Variants in FAM222B observed in about 807,000 individuals in gnomAD.
FAM222B encodes the protein protein FAM222B.
A neutral mutation model predicts 38.0 loss-of-function variants in FAM222B; 12 were observed. The ratio of observed to expected loss-of-function variants is 0.32; its 90% CI spans 0.20 to 0.51. The LOEUF (loss-of-function observed/expected upper bound fraction) is 0.51. FAM222B is among the 20% of genes least tolerant of loss of function. FAM222B has a pLI of 0.97. For synonymous variants in FAM222B, 329 were observed against 317.2 expected, an observed-to-expected ratio of 1.04 and a Z score of -0.40; for missense variants, 716 against 754.2, an observed-to-expected ratio of 0.95 and a Z score of 0.59.
intron 1 of FAM222B, among the ~76,000 whole-genome samples, chr17:28,835,852 T>C (rs1188866384): frequency 2.0e-5 from 3 of 151,950 alleles, no homozygotes; most frequent in Admixed American, 2.0e-4. Context: ...TTTTTTATTT[T>C]TTTGTAAAGA....
rs1244944844 is a variant in FAM222B at position 28,758,676 on chromosome 17, T to C, written c.1283A>G (p.Lys428Arg). The C allele has an allele frequency of 6.2e-7, 1 of 1,605,210 alleles. No homozygotes were observed. The highest frequency in any genetic ancestry group is 8.5e-7 in the Non-Finnish European group (1 of 1,174,492). ...GTTGACTGGTGGGGATGGGGTCGGC[T>C]TTTCCAGGGGTGGCTTCAGATGGAA... ...QSFHLKPPLEKPTPSPPVNGM... is the reference protein window; with the variant it reads ...QSFHLKPPLERPTPSPPVNGM... The change falls in exon 3 of 3, where the codon AAG becomes AGG. Residue 428 changes from lysine (K) to arginine (R), a missense_variant. Coordinates refer to ENST00000581407, the MANE Select transcript of FAM222B (RefSeq NM_001077498.3).
At chr17:28,825,018 C>A (rs983121905) in intron 1 of FAM222B, among the ~76,000 whole-genome samples, 1 of 152,014 alleles carries the variant, frequency 6.6e-6, no homozygotes, top group Non-Finnish European at 1.5e-5. Flanking sequence ...CCCGCCTTGG[C>A]CTCCCAAAGT....
chr17:28,829,416 C>CCA, intron 1 of FAM222B, among the ~76,000 whole-genome samples: 1 of 152,006 alleles, frequency 6.6e-6, no homozygotes, highest in Non-Finnish European at 1.5e-5. Flanking sequence ...GGTGATCCGC[C>CCA]CCAACTCGGC....
intron 1 of FAM222B, among the ~76,000 whole-genome samples, chr17:28,772,996 A>G (rs1014930987): frequency 6.6e-5 from 10 of 152,132 alleles, no homozygotes; most frequent in African/African-American, 1.4e-4. Context: ...AATTCAGCAG[A>G]CTCCAGAAAG....
intron 1 of FAM222B, among the ~76,000 whole-genome samples, chr17:28,804,421 A>G (rs1597972191): frequency 2.7e-5 from 4 of 147,934 alleles, no homozygotes; most frequent in Admixed American, 2.7e-4. Flanking sequence ...CGCAACCTCC[A>G]CCTCTCGGGT....
intron 1 of FAM222B, among the ~76,000 whole-genome samples, chr17:28,851,565 C>T (rs2039181304): frequency 6.6e-6 from 1 of 151,464 alleles, no homozygotes; most frequent in Non-Finnish European, 1.5e-5. Context: ...AACATGGTGA[C>T]AGCCTGTCTC....
At chr17:28,821,818 T>C (rs1307617841) in intron 1 of FAM222B, among the ~76,000 whole-genome samples, 2 of 151,298 alleles carry the variant, frequency 1.3e-5, no homozygotes, top group African/African-American at 4.9e-5. Flanking sequence ...AAAAATTAGC[T>C]GGGCGTGGTG....
At chr17:28,780,673 G>C (rs1283480325) in intron 1 of FAM222B, among the ~76,000 whole-genome samples, 1 of 152,032 alleles carries the variant, frequency 6.6e-6, no homozygotes, top group East Asian at 1.9e-4. Flanking sequence ...CCTGAGGTCA[G>C]TAGTTCGAGA....
At chr17:28,788,916 AT>A (rs2036537476) in intron 1 of FAM222B, among the ~76,000 whole-genome samples, 1 of 150,938 alleles carries the variant, frequency 6.6e-6, no homozygotes, top group Non-Finnish European at 1.5e-5. Context: ...TAATTTTTGT[AT>A]TTTTAGTTTA....
chr17:28,800,311 G>GA (rs1219110776), intron 1 of FAM222B, among the ~76,000 whole-genome samples: 1 of 152,254 alleles, frequency 6.6e-6, no homozygotes, highest in Non-Finnish European at 1.5e-5. Context: ...TGACAGGCGT[G>GA]AGCCACCGCA....
chr17:28,822,802 CAAAAAAAAAAAAAAAA>C (rs71135859), intron 1 of FAM222B, among the ~76,000 whole-genome samples: 9 of 9,878 alleles, frequency 9.1e-4, no homozygotes, highest in Admixed American at 2.3e-3. Context: ...GACTCCATCT[CAAAAAAAAAAAAAAAA>C]AAAAAAAAAA....
At chr17:28,772,133 G>A (rs949140393) in intron 1 of FAM222B, among the ~76,000 whole-genome samples, 2 of 152,008 alleles carry the variant, frequency 1.3e-5, no homozygotes, top group Non-Finnish European at 2.9e-5. Flanking sequence ...CTTAAGAAAC[G>A]TTCACATCTG....
At position 28,785,832 on chromosome 17, in the gene FAM222B, C is replaced by T. The variant is rs146871207; in HGVS notation, c.-40-19125G>A. Reference sequence around the variant, plus strand: ...AAACGATTCTCCTGCCTCAGCCTCCCGAGTAGCTGGGACTACAGGTGCCTG... The same window carrying T: ...AAACGATTCTCCTGCCTCAGCCTCCTGAGTAGCTGGGACTACAGGTGCCTG... On this transcript the variant is annotated intron_variant, in intron 1 of 2. Coordinates refer to ENST00000581407, the MANE Select transcript of FAM222B (RefSeq NM_001077498.3). Among the ~76,000 whole-genome samples the T allele has an allele frequency of 7.9e-5, 12 of 152,208 alleles. No individual in the cohort carries two copies. The South Asian group carries it at 1.9e-3, about 24-fold the overall frequency.
chr17:28,822,551 G>A (rs973567022), intron 1 of FAM222B, among the ~76,000 whole-genome samples: 8 of 150,190 alleles, frequency 5.3e-5, no homozygotes, highest in Non-Finnish European at 1.0e-4. Flanking sequence ...GCTTGAACCC[G>A]GGAGGCGGAG....
At position 28,758,357 on chromosome 17, in the gene FAM222B, C is replaced by T; in HGVS notation, c.1602G>A (p.Leu534=). ...ACFREQSLAM[L]SKAHRAPGNR... ...TGCCAGGGGCTCGGTGGGCCTTGCT[C>T]AGCATGGCCAGGCTCTGTTCTCGGA... Residue 534 remains leucine (L), a synonymous_variant, in exon 3 of 3, where the codon CTG becomes CTA. Coordinates refer to ENST00000581407, the MANE Select transcript of FAM222B (RefSeq NM_001077498.3). 2 of 1,613,590 alleles carry T rather than the reference C, an allele frequency of 1.2e-6. No homozygotes were observed. The highest frequency in any genetic ancestry group is 2.2e-5 in the East Asian group (1 of 44,872).
At position 28,758,404 on chromosome 17, in the gene FAM222B, C is replaced by T; in HGVS notation, c.1555G>A (p.Gly519Arg). 1.2e-6 allele frequency: 2 copies of T among 1,613,900 alleles called. No individual in the cohort carries two copies. Among genetic ancestry groups the T allele is most frequent in the Non-Finnish European group, 1.7e-6 (2 of 1,179,866 alleles). ...SLMQTVDYLS[G>R]DFQQACFREQ... ...CGGAAGCAGGCCTGTTGGAAATCCC[C>T]ACTTAGGTAATCCACTGTTTGCATC... Residue 519 changes from glycine to arginine, a missense_variant, in exon 3 of 3, where the codon GGG becomes AGG. Transcript: ENST00000581407.
intron 1 of FAM222B, among the ~76,000 whole-genome samples, chr17:28,792,459 G>A (rs1454972067): frequency 2.0e-5 from 3 of 151,808 alleles, no homozygotes; most frequent in East Asian, 1.9e-4. Flanking sequence ...CAGCCTGGGC[G>A]ACAGAGTGAG....
chr17:28,813,023 GGGGGGGGGGGGGGGGGGGA>G lies in FAM222B; in HGVS notation c.-41+29640_-41+29658del, dbSNP rs1193278457. Among the ~76,000 whole-genome samples, 2 of 60,998 alleles carry G rather than the reference GGGGGGGGGGGGGGGGGGGA, an allele frequency of 3.3e-5. 1 individual carries two copies. The highest frequency in any genetic ancestry group is 1.1e-4 in the African/African-American group (2 of 17,582). The allele number at this position is 60,998 out of a possible 152,430, so 40.0% of individuals were successfully genotyped here. ...GCTTCCCGTGACGCAGAAATTAAGC[GGGGGGGGGGGGGGGGGGGA>G]GGGGGGGGCGTTGGAGGCATGTTGG... On this transcript the variant is annotated intron_variant, in intron 1 of 2. Coordinates refer to ENST00000581407, the MANE Select transcript of FAM222B (RefSeq NM_001077498.3).
intron 1 of FAM222B, among the ~76,000 whole-genome samples, chr17:28,768,004 C>T (rs1197804369): frequency 6.6e-6 from 1 of 152,140 alleles, no homozygotes; most frequent in Non-Finnish European, 1.5e-5. Flanking sequence ...CATGTCAAGA[C>T]CGCACGAGTT....
Sources: gnomAD v4.1 joint callset for allele counts (sites outside exome capture counted in the v4.1 genomes callset) on GRCh38, gnomAD v4.1.1 for gene constraint, MANE v1.5 for transcripts, NCBI Gene and HGNC (gene_info 2026-07-23, HGNC 2026-07-21) for gene names.